The following CACNG2 variants were observed in gnomAD, a reference collection of about 807,000 sequenced individuals.
The protein encoded by CACNG2 is calcium voltage-gated channel auxiliary subunit gamma 2.
In CACNG2, 3 loss-of-function variants were observed where a neutral mutation model predicts 25.9. The observed-to-expected ratio is 0.12, with a 90% confidence interval of 0.05 to 0.30. The LOEUF (loss-of-function observed/expected upper bound fraction) is 0.30, where lower values mean the gene tolerates loss of function less well. CACNG2 is among the 10% of genes least tolerant of loss of function. The probability of loss-of-function intolerance (pLI) is 1.00; values close to 1 mark genes in which losing one functional copy is unlikely to be tolerated. For missense variants in CACNG2, 341 were observed against 432.5 expected, an observed-to-expected ratio of 0.79 and a Z score of 1.88; for synonymous variants, 167 against 173.3, an observed-to-expected ratio of 0.96 and a Z score of 0.29.
chr22:36,671,412 T>A (rs1456905427), intron 1 of CACNG2, among the ~76,000 whole-genome samples: 1 of 152,200 alleles, frequency 6.6e-6, no homozygotes, highest in Non-Finnish European at 1.5e-5. Flanking sequence ...GACAGCTGAT[T>A]GGCTTAAATA....
At chr22:36,636,285 A>G (rs1936356064) in intron 1 of CACNG2, among the ~76,000 whole-genome samples, 1 of 151,926 alleles carries the variant, frequency 6.6e-6, no homozygotes, top group Admixed American at 6.6e-5. Context: ...AATGCACTTT[A>G]CAAGCCCGTT....
chr22:36,570,831 C>T (rs1025091139), intron 2 of CACNG2, among the ~76,000 whole-genome samples: 2 of 150,074 alleles, frequency 1.3e-5, no homozygotes, highest in Non-Finnish European at 2.9e-5. Flanking sequence ...GGCCACTAGA[C>T]TTGGCAGGGC....
rs139872511 is a variant in CACNG2 at position 36,652,832 on chromosome 22, T to C, written c.211+49534A>G. Among the ~76,000 whole-genome samples the C allele has an allele frequency of 2.2e-4, 34 of 152,206 alleles. No individual in the cohort carries two copies. The East Asian group carries it at 6.6e-3, about 29-fold the overall frequency. On this transcript the variant is annotated intron_variant, in intron 1 of 3. Transcript: ENST00000300105. ...TTAATTTAGGCTGGGTCTCCACTGCTCTAGTTACTTTTCACACCCCATCCC... is the reference window on the plus strand; with the variant it reads ...TTAATTTAGGCTGGGTCTCCACTGCCCTAGTTACTTTTCACACCCCATCCC...
chr22:36,670,630 T>TTTTGTTTGTTTTG (rs1555900632), intron 1 of CACNG2, among the ~76,000 whole-genome samples: 1 of 151,198 alleles, frequency 6.6e-6, no homozygotes, highest in African/African-American at 2.4e-5. Context: ...TGTTTTTGTT[T>TTTTGTTTGTTTTG]TTTTGTTTTG....
intron 1 of CACNG2, among the ~76,000 whole-genome samples, chr22:36,643,105 T>C (rs1236120940): frequency 2.0e-5 from 3 of 149,668 alleles, no homozygotes; most frequent in Non-Finnish European, 4.5e-5. Context: ...CTTTCTCTTC[T>C]CTTTCCTTCC....
At chr22:36,686,278 A>C (rs1223480138) in intron 1 of CACNG2, among the ~76,000 whole-genome samples, 1 of 152,154 alleles carries the variant, frequency 6.6e-6, no homozygotes, top group Non-Finnish European at 1.5e-5. Flanking sequence ...AACCCTCCTC[A>C]GATATAAAGG....
At chr22:36,659,773 A>G (rs1488135202) in intron 1 of CACNG2, among the ~76,000 whole-genome samples, 2 of 152,168 alleles carry the variant, frequency 1.3e-5, no homozygotes, top group African/African-American at 2.4e-5. Context: ...GCCTGTGCCA[A>G]CTGCTGGAAT....
chr22:36,574,106 A>G (rs1422087041), intron 2 of CACNG2, among the ~76,000 whole-genome samples: 2 of 152,118 alleles, frequency 1.3e-5, no homozygotes, highest in Non-Finnish European at 2.9e-5. Context: ...GAGTTGAGCT[A>G]AAGAGCTTAG....
chr22:36,676,438 G>A (rs1012903137), intron 1 of CACNG2, among the ~76,000 whole-genome samples: 7 of 152,144 alleles, frequency 4.6e-5, no homozygotes, highest in African/African-American at 1.7e-4. Flanking sequence ...GCCCGGTACA[G>A]GATCTCACTT....
At chr22:36,608,894 G>A (rs1280512440) in intron 1 of CACNG2, among the ~76,000 whole-genome samples, 1 of 152,070 alleles carries the variant, frequency 6.6e-6, no homozygotes, top group African/African-American at 2.4e-5. Flanking sequence ...GCTAGCTATT[G>A]TTAATTATTA....
chr22:36,697,522 C>T (rs1027997205), intron 1 of CACNG2, among the ~76,000 whole-genome samples: 2 of 152,218 alleles, frequency 1.3e-5, no homozygotes, highest in Admixed American at 6.5e-5. Flanking sequence ...CACTGCCTGC[C>T]ATGTGACTTT....
chr22:36,669,483 G>GGAGACAA (rs1392080124), intron 1 of CACNG2, among the ~76,000 whole-genome samples: 25 of 129,460 alleles, frequency 1.9e-4, no homozygotes, highest in African/African-American at 7.4e-4. Flanking sequence ...ACTCAGCTTA[G>GGAGACAA]GAGACAAGAG....
intron 1 of CACNG2, among the ~76,000 whole-genome samples, chr22:36,597,756 A>G (rs1298722324): frequency 6.6e-6 from 1 of 152,154 alleles, no homozygotes. Context: ...AGCCAGGTTC[A>G]GATTCGGTGA....
chr22:36,611,962 C>T (rs574890858), intron 1 of CACNG2, among the ~76,000 whole-genome samples: 4 of 152,254 alleles, frequency 2.6e-5, no homozygotes, highest in African/African-American at 7.2e-5. Flanking sequence ...CTCTGTAAAC[C>T]GGGTTAATAA....
intron 1 of CACNG2, among the ~76,000 whole-genome samples, chr22:36,679,770 C>T (rs1035021642): frequency 3.3e-5 from 5 of 152,132 alleles, no homozygotes; most frequent in African/African-American, 7.2e-5. Flanking sequence ...GTGACACTCA[C>T]GGTGGAACTT....
At chr22:36,595,322 C>T (rs1935662928) in intron 1 of CACNG2, among the ~76,000 whole-genome samples, 2 of 152,246 alleles carry the variant, frequency 1.3e-5, no homozygotes, top group African/African-American at 2.4e-5. Flanking sequence ...GTGTGCGGGC[C>T]GGCTCGCCCC....
In CACNG2 at chr22:36,663,047, AAG is replaced by A. The variant is rs1018102309; in HGVS notation, c.211+39317_211+39318del. Among the ~76,000 whole-genome samples the A allele has an allele frequency of 9.0e-3, 1,289 of 143,704 alleles. 15 individuals are homozygous for A. Among genetic ancestry groups the A allele is most frequent in the African/African-American group, 0.037 (1,244 of 33,626 alleles). The allele number at this position is 143,704 out of a possible 152,430, so 94.3% of individuals were successfully genotyped here. On this transcript the variant is annotated intron_variant, in intron 1 of 3. Coordinates refer to ENST00000300105, the MANE Select transcript of CACNG2 (RefSeq NM_006078.5). ...CTAGAATAATAAGAGTTAAAAAAAA[AAG>A]AGAGAGAGAGAGACAGAACTCAGTG...
chr22:36,681,449 T>A (rs1208143620), intron 1 of CACNG2, among the ~76,000 whole-genome samples: 3 of 152,248 alleles, frequency 2.0e-5, no homozygotes, highest in Non-Finnish European at 2.9e-5. Context: ...ACCTGGCTCT[T>A]TAGCATAATG....
chr22:36,637,134 T>C (rs1286761396), intron 1 of CACNG2, among the ~76,000 whole-genome samples: 1 of 152,230 alleles, frequency 6.6e-6, no homozygotes, highest in Non-Finnish European at 1.5e-5. Context: ...GGCCTTTGTC[T>C]TGGGAAGTGG....
Sources: gnomAD v4.1 joint callset for allele counts (sites outside exome capture counted in the v4.1 genomes callset) on GRCh38, gnomAD v4.1.1 for gene constraint, MANE v1.5 for transcripts, NCBI Gene and HGNC (gene_info 2026-07-23, HGNC 2026-07-21) for gene names.